Variants in TNFSF4 observed in about 807,000 individuals in gnomAD.
TNFSF4 encodes TNF superfamily member 4, also known as tumor necrosis factor ligand superfamily member 4.
A neutral mutation model predicts 7.3 loss-of-function variants in TNFSF4; 4 were observed. That is an observed-to-expected ratio of 0.55 (90% CI 0.27 to 1.25). The LOEUF is 1.25. Ranked by LOEUF, TNFSF4 falls within the 50% of genes most tolerant of loss-of-function variation. The pLI, the probability that TNFSF4 is intolerant of heterozygous loss-of-function variation, is 0.12. For synonymous variants in TNFSF4, 76 were observed against 83.7 expected, an observed-to-expected ratio of 0.91 and a Z score of 0.50; for missense variants, 181 against 208.8, an observed-to-expected ratio of 0.87 and a Z score of 0.82.
At chr1:173,399,451 C>T in the TNFSF4 span, among the ~76,000 whole-genome samples, 2 of 152,114 alleles carry the variant, frequency 1.3e-5, no homozygotes, top group African/African-American at 2.4e-5. Context: ...GTCCACTTTG[C>T]TTGGGAAGAG....
the TNFSF4 span, among the ~76,000 whole-genome samples, chr1:173,242,710 A>T: frequency 6.6e-6 from 1 of 151,946 alleles, no homozygotes; most frequent in East Asian, 1.9e-4. Context: ...AGAGAGATGG[A>T]GTGATGTGGT....
rs1343888226 is a variant in TNFSF4 at position 173,186,488 on chromosome 1, C to T, written c.*28G>A. On this transcript the variant is annotated 3_prime_UTR_variant, in exon 3 of 3. Transcript: ENST00000281834. Reference sequence around the variant, plus strand: ...CCCCAGCTTGGTGTTCATGCTGGTGCCTGGTTTTAGATATTGCCATCAGCC... The same window carrying T: ...CCCCAGCTTGGTGTTCATGCTGGTGTCTGGTTTTAGATATTGCCATCAGCC... The T allele has an allele frequency of 6.4e-7, 1 of 1,560,808 alleles. No homozygotes were observed. Among genetic ancestry groups the T allele is most frequent in the Non-Finnish European group, 8.7e-7 (1 of 1,143,316 alleles).
At chr1:173,415,169 A>G in the TNFSF4 span, among the ~76,000 whole-genome samples, 2 of 152,342 alleles carry the variant, frequency 1.3e-5, no homozygotes, top group African/African-American at 4.8e-5. Context: ...CCTTGAATAA[A>G]GTGTTCGTTG....
the TNFSF4 span, among the ~76,000 whole-genome samples, chr1:173,330,885 CT>C: frequency 0.028 from 3,870 of 138,340 alleles, 76 homozygotes; most frequent in African/African-American, 0.063. Flanking sequence ...CTTTTCTTAT[CT>C]TTTTTTTTTT....
At chr1:173,204,482 A>G (rs1650089634) in intron 1 of TNFSF4, among the ~76,000 whole-genome samples, 1 of 152,240 alleles carries the variant, frequency 6.6e-6, no homozygotes, top group Non-Finnish European at 1.5e-5. Flanking sequence ...GCTGACGGCC[A>G]AATGGAGCTT....
At chr1:173,370,266 C>T in the TNFSF4 span, among the ~76,000 whole-genome samples, 238 of 152,270 alleles carry the variant, frequency 1.6e-3, 1 homozygote, top group African/African-American at 4.8e-3. Flanking sequence ...GAAAAGAATG[C>T]GGCTTTAGCT....
chr1:173,250,600 C>T, the TNFSF4 span, among the ~76,000 whole-genome samples: 1 of 152,088 alleles, frequency 6.6e-6, no homozygotes, highest in South Asian at 2.1e-4. Flanking sequence ...GCTGGGACTA[C>T]AGGCGACTGC....
chr1:173,428,875 C>T, the TNFSF4 span, among the ~76,000 whole-genome samples: 1 of 152,018 alleles, frequency 6.6e-6, no homozygotes, highest in African/African-American at 2.4e-5. Flanking sequence ...GGCATGGTGG[C>T]AGGTGCCTGT....
chr1:173,245,437 C>T, the TNFSF4 span, among the ~76,000 whole-genome samples: 1 of 152,254 alleles, frequency 6.6e-6, no homozygotes, highest in South Asian at 2.1e-4. Context: ...TCTTTATTTG[C>T]TTTGTTTCGT....
At chr1:173,322,012 C>A in the TNFSF4 span, among the ~76,000 whole-genome samples, 4 of 152,186 alleles carry the variant, frequency 2.6e-5, no homozygotes, top group Non-Finnish European at 5.9e-5. Context: ...GGCCCATGCA[C>A]ACATATGTTT....
At chr1:173,292,735 C>T in the TNFSF4 span, among the ~76,000 whole-genome samples, 1 of 151,802 alleles carries the variant, frequency 6.6e-6, no homozygotes, top group Non-Finnish European at 1.5e-5. Context: ...GAATTCTATA[C>T]TTAGAAAACC....
the TNFSF4 span, chr1:173,351,986 A>G: frequency 6.3e-6 from 3 of 479,618 alleles, no homozygotes; most frequent in South Asian, 5.6e-5. Context: ...ACAAGGAAGA[A>G]AAAATTGAGG....
the TNFSF4 span, among the ~76,000 whole-genome samples, chr1:173,255,935 G>A: frequency 1.3e-5 from 2 of 152,120 alleles, no homozygotes; most frequent in African/African-American, 4.8e-5. Flanking sequence ...TTTTATTTGG[G>A]TGTTATTCAA....
the TNFSF4 span, among the ~76,000 whole-genome samples, chr1:173,293,014 A>G: frequency 2.0e-5 from 3 of 152,304 alleles, no homozygotes; most frequent in South Asian, 6.2e-4. Flanking sequence ...ATGGAGAAAT[A>G]TTCCATGCTC....
At chr1:173,302,751 CTTTTT>C in the TNFSF4 span, among the ~76,000 whole-genome samples, 1 of 150,032 alleles carries the variant, frequency 6.7e-6, no homozygotes, top group Admixed American at 6.6e-5. Flanking sequence ...TCAACTCTTT[CTTTTT>C]TTTTTTCCAT....
chr1:173,174,369 C>T, the TNFSF4 span: 2 of 152,266 alleles, frequency 1.3e-5, no homozygotes, highest in Non-Finnish European at 2.9e-5. Context: ...TCCAAAGTAA[C>T]TTCCACATTT....
At chr1:173,205,420 A>G (rs1469197157) in intron 1 of TNFSF4, 71 of 1,599,712 alleles carry the variant, frequency 4.4e-5, no homozygotes, top group Non-Finnish European at 5.6e-5. Context: ...CTTTTTCTCA[A>G]CATCTCCTGG....
At chr1:173,402,537 T>TA in the TNFSF4 span, among the ~76,000 whole-genome samples, 2 of 152,226 alleles carry the variant, frequency 1.3e-5, no homozygotes, top group Admixed American at 1.3e-4. Flanking sequence ...CACTGACATG[T>TA]ATCCCACCTT....
upstream of TNFSF4, among the ~76,000 whole-genome samples, chr1:173,210,617 G>T (rs942219612): frequency 6.6e-6 from 1 of 152,132 alleles, no homozygotes; most frequent in Non-Finnish European, 1.5e-5. Flanking sequence ...ACATGGAGAG[G>T]TTTGAAGCAG....
Sources: allele counts gnomAD v4.1 joint callset (sites outside exome capture counted in the v4.1 genomes callset), GRCh38; gene constraint gnomAD v4.1.1; transcripts MANE v1.5; gene names NCBI Gene and HGNC (gene_info 2026-07-23, HGNC 2026-07-21).